NT5C2: variants seen among roughly 807,000 people sequenced by gnomAD.
NT5C2 encodes cytosolic purine 5'-nucleotidase.
NT5C2 carries 58 observed loss-of-function variants against 76.1 expected under a neutral mutation model. The observed-to-expected ratio is 0.76, with a 90% confidence interval of 0.62 to 0.95. The LOEUF (loss-of-function observed/expected upper bound fraction) is 0.95. NT5C2 is among the 40% of genes least tolerant of loss of function. The probability of loss-of-function intolerance (pLI) is 0.00; values close to 1 mark genes in which losing one functional copy is unlikely to be tolerated. For synonymous variants in NT5C2, 229 were observed against 237.4 expected (o/e 0.96, Z 0.32); for missense variants, 478 against 690.3 (o/e 0.69, Z 3.45).
At chr10:103,121,251 A>G (rs2075608677) in intron 4 of NT5C2, among the ~76,000 whole-genome samples, 1 of 152,218 alleles carries the variant, frequency 6.6e-6, no homozygotes, top group South Asian at 2.1e-4. Context: ...ATTGAATTGT[A>G]TACTTGAAAA....
chr10:103,120,142 G>T (rs1483362920), intron 4 of NT5C2, among the ~76,000 whole-genome samples: 2 of 151,338 alleles, frequency 1.3e-5, no homozygotes, highest in Non-Finnish European at 2.9e-5. Context: ...ACTCAAAATG[G>T]ATCAAAGACC....
chr10:103,147,828 C>T (rs936474628), intron 3 of NT5C2, among the ~76,000 whole-genome samples: 8 of 151,974 alleles, frequency 5.3e-5, no homozygotes, highest in East Asian at 1.9e-4. Flanking sequence ...GAGGAGGGAA[C>T]GGGCAGTTTC....
chr10:103,119,452 C>T (rs2135636362), intron 4 of NT5C2, among the ~76,000 whole-genome samples: 1 of 152,302 alleles, frequency 6.6e-6, no homozygotes, highest in African/African-American at 2.4e-5. Flanking sequence ...ATATCTCTTG[C>T]ACATATAATC....
At position 103,100,126 on chromosome 10, in the gene NT5C2, G is replaced by A. The variant is rs893369332; in HGVS notation, c.540-107C>T. ...AAAGGTTCCATATCACATGGGTAAA[G>A]GCTGTGGCTAATGAGGAAAATAATT... On this transcript the variant is annotated intron_variant, in intron 8 of 18. Coordinates refer to ENST00000404739, the MANE Select transcript of NT5C2 (RefSeq NM_001351169.2). 3.2e-5 allele frequency: 21 copies of A among 665,466 alleles called. No individual in the cohort carries two copies. The African/African-American group carries it at 3.3e-4, about 10-fold the overall frequency. The allele number at this position is 665,466 out of a possible 1,614,324, so 41.2% of individuals were successfully genotyped here. A position where few individuals can be genotyped will look rare whatever the true frequency, so the allele number is the denominator to read the frequency against.
chr10:103,101,381 G>A, intron 6 of NT5C2, 55 bp from the exon 7 acceptor site: 2 of 998,688 alleles, frequency 2.0e-6, no homozygotes, highest in South Asian at 2.8e-5. Context: ...ATAATAATTG[G>A]GAAATAGCAT....
intron 3 of NT5C2, among the ~76,000 whole-genome samples, chr10:103,150,005 T>C (rs1446617759): frequency 7.2e-6 from 1 of 138,846 alleles, no homozygotes; most frequent in East Asian, 2.2e-4. Flanking sequence ...ACAACCGCTT[T>C]ACAAAATTTT....
intron 3 of NT5C2, among the ~76,000 whole-genome samples, chr10:103,164,827 G>A (rs1198233252): frequency 6.6e-6 from 1 of 152,072 alleles, no homozygotes. Context: ...ATAAATCTCA[G>A]ATCTGCTTTT....
chr10:103,101,514 A>T (rs931473682), intron 6 of NT5C2, among the ~76,000 whole-genome samples, 188 bp from the exon 7 acceptor site: 5 of 143,662 alleles, frequency 3.5e-5, no homozygotes, highest in Non-Finnish European at 6.1e-5. Context: ...TTTAATTTTA[A>T]TTTTTTTTTT....
chr10:103,111,700 G>T, intron 4 of NT5C2: 1 of 1,195,962 alleles, frequency 8.4e-7, no homozygotes, highest in Non-Finnish European at 1.0e-6. Flanking sequence ...AACCTCTACA[G>T]AGGTTCCAGC....
At chr10:103,121,566 T>C (rs1280325365) in intron 4 of NT5C2, among the ~76,000 whole-genome samples, 3 of 152,208 alleles carry the variant, frequency 2.0e-5, no homozygotes, top group Non-Finnish European at 4.4e-5. Context: ...AGAGTGCATC[T>C]ACTATGTTCG....
chr10:103,125,246 T>C (rs993985576), intron 4 of NT5C2: 2 of 758,762 alleles, frequency 2.6e-6, no homozygotes, highest in Non-Finnish European at 4.4e-6. Flanking sequence ...AGCTCTGTGA[T>C]CATCAATGAT....
At chr10:103,174,824 GGGGTTTTGA>G in intron 3 of NT5C2, 25 bp downstream of exon 3, 1 of 1,348,142 alleles carries the variant, frequency 7.4e-7, no homozygotes, top group Middle Eastern at 1.8e-4. Context: ...ACTTCATAGA[GGGGTTTTGA>G]GGATTAAATA....
At chr10:103,094,161 G>T in intron 13 of NT5C2, 123 bp from the exon 14 acceptor site, 1 of 737,002 alleles carries the variant, frequency 1.4e-6, no homozygotes, top group Non-Finnish European at 2.3e-6. Context: ...CAAATGAATG[G>T]CACTTACTCT....
intron 3 of NT5C2, among the ~76,000 whole-genome samples, chr10:103,167,436 T>C (rs184649779): frequency 2.0e-5 from 3 of 152,158 alleles, no homozygotes; most frequent in South Asian, 2.1e-4. Flanking sequence ...CACTGAATAT[T>C]TGAACCAATA....
intron 1 of NT5C2, among the ~76,000 whole-genome samples, chr10:103,191,891 C>G (rs920405610): frequency 6.6e-6 from 1 of 152,098 alleles, no homozygotes; most frequent in African/African-American, 2.4e-5. Context: ...AGTATCAACC[C>G]TGCATGTGGA....
chr10:103,098,132 T>G, intron 10 of NT5C2: 1 of 506,090 alleles, frequency 2.0e-6, no homozygotes, highest in Admixed American at 2.3e-5. Context: ...GCACTATGTG[T>G]GTTTAATTTT....
At chr10:103,140,479 A>G (rs1190190130) in intron 3 of NT5C2, among the ~76,000 whole-genome samples, 1 of 152,126 alleles carries the variant, frequency 6.6e-6, no homozygotes, top group East Asian at 1.9e-4. Context: ...TCTCCTAGCT[A>G]TTCTAAATAA....
chr10:103,162,085 G>A (rs2085045621), intron 3 of NT5C2, among the ~76,000 whole-genome samples: 2 of 152,032 alleles, frequency 1.3e-5, no homozygotes, highest in Admixed American at 1.3e-4. Flanking sequence ...GTGCAATCTT[G>A]GCTCACTGCA....
intron 1 of NT5C2, among the ~76,000 whole-genome samples, chr10:103,182,408 G>T (rs1169789798): frequency 6.6e-6 from 1 of 151,978 alleles, no homozygotes; most frequent in Non-Finnish European, 1.5e-5. Flanking sequence ...AAGCCGAGGC[G>T]GGTGGATCAT....
Sources: gnomAD v4.1 joint callset for allele counts (sites outside exome capture counted in the v4.1 genomes callset) on GRCh38, gnomAD v4.1.1 for gene constraint, MANE v1.5 for transcripts, NCBI Gene and HGNC (gene_info 2026-07-23, HGNC 2026-07-21) for gene names.